The following GPC5 variants were observed in gnomAD, a reference collection of about 807,000 sequenced individuals.
GPC5 encodes glypican 5, also known as glypican-5.
In GPC5, 47 loss-of-function variants were observed where a neutral mutation model predicts 53.9. The ratio of observed to expected loss-of-function variants is 0.87; its 90% CI spans 0.69 to 1.11. The LOEUF is 1.11. Ranked by LOEUF, GPC5 falls within the 50% of genes most tolerant of loss-of-function variation. GPC5 has a pLI of 0.00. For missense variants in GPC5, 748 were observed against 713.1 expected, an observed-to-expected ratio of 1.05 and a Z score of -0.56; for synonymous variants, 286 against 263.3, an observed-to-expected ratio of 1.09 and a Z score of -0.84.
intron 2 of GPC5, among the ~76,000 whole-genome samples, chr13:91,553,748 C>G (rs1386748008): frequency 2.6e-5 from 4 of 151,974 alleles, no homozygotes; most frequent in African/African-American, 9.7e-5. Flanking sequence ...GCAATAATTA[C>G]TTACTCTCAT....
Position 91,757,261 on chromosome 13 carries a change from A to G in GPC5, c.1280+841A>G, listed in dbSNP as rs144403354. Among the ~76,000 whole-genome samples the G allele has an allele frequency of 3.9e-5, 6 of 152,260 alleles. No individual in the cohort carries two copies. The East Asian group carries it at 1.2e-3, about 29-fold the overall frequency. On this transcript the variant is annotated intron_variant, in intron 5 of 7. Transcript: ENST00000377067. ...TGTTTGGATCTGAATCTGTTAAACT[A>G]TAAAATAAATATATTTTTTATTTGT...
At chr13:92,822,371 C>T (rs960376630) in intron 7 of GPC5, among the ~76,000 whole-genome samples, 1 of 152,060 alleles carries the variant, frequency 6.6e-6, no homozygotes, top group African/African-American at 2.4e-5. Context: ...ATAGCTCTCT[C>T]TCTCTGAGTT....
At chr13:91,429,102 T>A (rs1007016567) in intron 1 of GPC5, among the ~76,000 whole-genome samples, 3 of 152,138 alleles carry the variant, frequency 2.0e-5, no homozygotes, top group Non-Finnish European at 2.9e-5. Flanking sequence ...ATATTTTTAG[T>A]AGAGATGGGG....
intron 7 of GPC5, among the ~76,000 whole-genome samples, chr13:92,470,516 G>T (rs912035421): frequency 1.3e-5 from 2 of 151,742 alleles, no homozygotes; most frequent in Admixed American, 1.3e-4. Context: ...AAACATCCAG[G>T]TCTAAGAGAA....
chr13:92,082,554 G>A (rs2041304706), intron 6 of GPC5, among the ~76,000 whole-genome samples: 1 of 152,112 alleles, frequency 6.6e-6, no homozygotes, highest in South Asian at 2.1e-4. Context: ...ATTCTACGAA[G>A]AAAATTCCTT....
At chr13:92,576,574 A>G (rs559438156) in intron 7 of GPC5, among the ~76,000 whole-genome samples, 2 of 152,302 alleles carry the variant, frequency 1.3e-5, no homozygotes, top group East Asian at 3.9e-4. Flanking sequence ...TGAAAATTAG[A>G]CATTAAAAAT....
rs149976519 is a variant in GPC5, at chr13:91,469,402, C to T, written c.325+20480C>T. 3.7e-3 allele frequency among the ~76,000 whole-genome samples: 557 copies of T among 152,076 alleles called. 2 individuals are homozygous for T. The highest frequency in any genetic ancestry group is 6.6e-3 in the Non-Finnish European group (448 of 67,996). ...GAGATTACAGGCGTGAGTCGCTGCACCTGGCCTAATTTTCTTTTTAATTTT... is the reference window on the plus strand; with the variant it reads ...GAGATTACAGGCGTGAGTCGCTGCATCTGGCCTAATTTTCTTTTTAATTTT... On this transcript the variant is annotated intron_variant, in intron 2 of 7. Transcript: ENST00000377067.
At chr13:92,044,374 C>T (rs1277222565) in intron 6 of GPC5, among the ~76,000 whole-genome samples, 2 of 152,180 alleles carry the variant, frequency 1.3e-5, no homozygotes, top group African/African-American at 4.8e-5. Flanking sequence ...CTGAGCAGAA[C>T]TGGACTGCCA....
chr13:92,767,237 C>A (rs1814663685), intron 7 of GPC5, among the ~76,000 whole-genome samples: 1 of 152,022 alleles, frequency 6.6e-6, no homozygotes, highest in South Asian at 2.1e-4. Flanking sequence ...TTTGGGAGGC[C>A]AAGCAGGTGG....
chr13:92,358,673 G>C (rs2043542238), intron 7 of GPC5, among the ~76,000 whole-genome samples: 1 of 151,788 alleles, frequency 6.6e-6, no homozygotes, highest in Non-Finnish European at 1.5e-5. Context: ...ACCCCATGTG[G>C]AAGCTGCCAA....
At chr13:92,023,400 A>T (rs932101708) in intron 6 of GPC5, among the ~76,000 whole-genome samples, 1 of 152,090 alleles carries the variant, frequency 6.6e-6, no homozygotes, top group Admixed American at 6.6e-5. Flanking sequence ...TGCTATATAT[A>T]CAAAATTGCT....
chr13:91,886,372 A>C (rs1594641070), intron 5 of GPC5, among the ~76,000 whole-genome samples: 1 of 152,186 alleles, frequency 6.6e-6, no homozygotes, highest in Admixed American at 6.5e-5. Flanking sequence ...GGGAACTATA[A>C]TTCAAGATGA....
chr13:92,031,765 T>C (rs1407983392), intron 6 of GPC5, among the ~76,000 whole-genome samples: 1 of 90,904 alleles, frequency 1.1e-5, no homozygotes, highest in African/African-American at 5.0e-5. Flanking sequence ...TATTACATAT[T>C]ATATATAATA....
At chr13:92,848,853 T>C (rs957938171) in intron 7 of GPC5, among the ~76,000 whole-genome samples, 1 of 152,138 alleles carries the variant, frequency 6.6e-6, no homozygotes, top group African/African-American at 2.4e-5. Flanking sequence ...TCACATGGGA[T>C]TAGATACTGA....
chr13:92,110,910 C>CA (rs2041551558), intron 6 of GPC5, among the ~76,000 whole-genome samples: 1 of 152,158 alleles, frequency 6.6e-6, no homozygotes, highest in South Asian at 2.1e-4. Context: ...AAAGAATCAT[C>CA]ATGATAATAT....
chr13:92,356,853 TTCC>T (rs2043526558), intron 7 of GPC5, among the ~76,000 whole-genome samples: 1 of 152,206 alleles, frequency 6.6e-6, no homozygotes, highest in African/African-American at 2.4e-5. Context: ...TTTGATACTC[TTCC>T]TCCTCCCCAC....
chr13:92,276,986 G>A (rs1566515132), intron 7 of GPC5, among the ~76,000 whole-genome samples: 1 of 151,086 alleles, frequency 6.6e-6, no homozygotes, highest in African/African-American at 2.4e-5. Context: ...ATTACTTTTA[G>A]TCTCTCTCTC....
At chr13:92,778,130 T>C (rs1480749667) in intron 7 of GPC5, among the ~76,000 whole-genome samples, 4 of 152,220 alleles carry the variant, frequency 2.6e-5, no homozygotes, top group South Asian at 2.1e-4. Context: ...TATTTTAAGA[T>C]GAATATGTAT....
intron 2 of GPC5, among the ~76,000 whole-genome samples, chr13:91,545,971 G>A (rs896641226): frequency 8.6e-5 from 13 of 152,022 alleles, no homozygotes; most frequent in Non-Finnish European, 2.9e-5. Context: ...TTGGTGGCTT[G>A]TTTTTGGATA....
Sources: gnomAD v4.1 joint callset for allele counts (sites outside exome capture counted in the v4.1 genomes callset) on GRCh38, gnomAD v4.1.1 for gene constraint, MANE v1.5 for transcripts, NCBI Gene and HGNC (gene_info 2026-07-23, HGNC 2026-07-21) for gene names.